The following NAA11 variants were observed in gnomAD, a reference collection of about 807,000 sequenced individuals.
NAA11 encodes N-alpha-acetyltransferase 11.
Under a neutral mutation model 16.1 loss-of-function variants are expected in NAA11, and 15 were observed. The ratio of observed to expected loss-of-function variants is 0.93; its 90% CI spans 0.62 to 1.44. The LOEUF (loss-of-function observed/expected upper bound fraction) is 1.44. Ranked by LOEUF, NAA11 falls within the 40% of genes most tolerant of loss-of-function variation. The pLI is 0.00. For synonymous variants in NAA11, 122 were observed against 112.4 expected (o/e 1.09, Z -0.54); for missense variants, 298 against 291.3 (o/e 1.02, Z -0.17).
chr4:79,280,603 T>C lies in NAA11; in HGVS notation c.*122+13402A>G, dbSNP rs558722975. On this transcript the variant is annotated intron_variant and NMD_transcript_variant, in intron 2 of 2. Transcript: ENST00000511542. ...CTGATACATTTTGATACTTTTTTTT[T>C]CCTATTAAGTTTTTGAGAGTCAGTT... is the stretch of plus-strand genomic sequence containing the variant. Among the ~76,000 whole-genome samples, 5 of 152,154 alleles carry C rather than the reference T, an allele frequency of 3.3e-5. No homozygotes were observed. In the East Asian group the frequency reaches 9.7e-4, roughly 29 times the overall value.
chr4:79,289,902 G>T (rs1363399147), intron 2 of NAA11, among the ~76,000 whole-genome samples: 1 of 152,104 alleles, frequency 6.6e-6, no homozygotes, highest in Non-Finnish European at 1.5e-5. Flanking sequence ...CAAACACAAG[G>T]TGTTAGGAAG....
chr4:79,163,723 G>A, the NAA11 span, among the ~76,000 whole-genome samples: 2 of 152,300 alleles, frequency 1.3e-5, no homozygotes, highest in East Asian at 1.9e-4. Context: ...GCTTGACTGG[G>A]AGTCTGGCAA....
At chr4:79,182,538 C>T in the NAA11 span, among the ~76,000 whole-genome samples, 1 of 152,058 alleles carries the variant, frequency 6.6e-6, no homozygotes, top group Non-Finnish European at 1.5e-5. Context: ...CCCCAATTAA[C>T]GAGAGGATCA....
chr4:79,164,014 C>T, the NAA11 span, among the ~76,000 whole-genome samples: 40 of 152,110 alleles, frequency 2.6e-4, no homozygotes, highest in African/African-American at 8.4e-4. Flanking sequence ...GTCTTTTTAT[C>T]GCTTTTTATC....
At chr4:79,264,524 C>G (rs890518280) in intron 2 of NAA11, among the ~76,000 whole-genome samples, 1 of 152,122 alleles carries the variant, frequency 6.6e-6, no homozygotes, top group Non-Finnish European at 1.5e-5. Flanking sequence ...TCTTCTTATT[C>G]TCTTTGCATG....
At chr4:79,222,867 C>T (rs1483981213), downstream of NAA11, among the ~76,000 whole-genome samples, 35 of 151,722 alleles carry the variant, frequency 2.3e-4, no homozygotes, top group Non-Finnish European at 4.6e-4. Flanking sequence ...AAGAAGACAT[C>T]TATGCAGCCA....
intron 2 of NAA11, among the ~76,000 whole-genome samples, chr4:79,237,400 CAT>C (rs994235324): frequency 5.3e-5 from 8 of 152,176 alleles, no homozygotes; most frequent in Admixed American, 1.3e-4. Flanking sequence ...TGTGTGCACA[CAT>C]GTTTGAGTGT....
chr4:79,256,651 A>AATATATATATATATATAT (rs34533882), intron 2 of NAA11, among the ~76,000 whole-genome samples: 3 of 130,768 alleles, frequency 2.3e-5, no homozygotes, highest in African/African-American at 6.1e-5. Flanking sequence ...TATAAATATA[A>AATATATATATATATATAT]ATATATATAT....
chr4:79,247,377 C>T (rs1041310910), intron 2 of NAA11, among the ~76,000 whole-genome samples: 1 of 152,142 alleles, frequency 6.6e-6, no homozygotes, highest in African/African-American at 2.4e-5. Flanking sequence ...TTTCAGTTTT[C>T]CCTGTATTGG....
chr4:79,223,629 A>C (rs1006150199), downstream of NAA11, among the ~76,000 whole-genome samples: 2 of 114,766 alleles, frequency 1.7e-5, no homozygotes, highest in Non-Finnish European at 3.7e-5. Context: ...CATGTACCCT[A>C]AAACTTAAAG....
At chr4:79,272,112 T>C (rs1722508608) in intron 2 of NAA11, among the ~76,000 whole-genome samples, 1 of 151,866 alleles carries the variant, frequency 6.6e-6, no homozygotes, top group Non-Finnish European at 1.5e-5. Flanking sequence ...TATATACATA[T>C]ATACTATGCT....
intron 2 of NAA11, among the ~76,000 whole-genome samples, chr4:79,232,692 G>A (rs1421408654): frequency 1.3e-5 from 2 of 151,934 alleles, no homozygotes; most frequent in Non-Finnish European, 2.9e-5. Context: ...ATTTGTTCAT[G>A]AGGGATAACA....
the NAA11 span, among the ~76,000 whole-genome samples, chr4:79,185,521 A>G: frequency 2.0e-5 from 3 of 152,226 alleles, no homozygotes; most frequent in Admixed American, 6.5e-5. Context: ...GGAATTTCCT[A>G]GATGATCCTA....
At chr4:79,234,003 C>T (rs1721518906) in intron 2 of NAA11, among the ~76,000 whole-genome samples, 1 of 152,014 alleles carries the variant, frequency 6.6e-6, no homozygotes, top group African/African-American at 2.4e-5. Flanking sequence ...CTACCTGAAG[C>T]TGAAACCAGT....
At chr4:79,159,109 C>T in the NAA11 span, among the ~76,000 whole-genome samples, 1 of 152,154 alleles carries the variant, frequency 6.6e-6, no homozygotes, top group Non-Finnish European at 1.5e-5. Flanking sequence ...AACTAAAGAG[C>T]TTCTGCACTG....
chr4:79,200,096 G>C, the NAA11 span, among the ~76,000 whole-genome samples: 1 of 151,842 alleles, frequency 6.6e-6, no homozygotes, highest in Non-Finnish European at 1.5e-5. Flanking sequence ...AGAAGGCATA[G>C]ATCATGGTTA....
At chr4:79,213,276 T>C in the NAA11 span, among the ~76,000 whole-genome samples, 1 of 152,146 alleles carries the variant, frequency 6.6e-6, no homozygotes, top group Non-Finnish European at 1.5e-5. Flanking sequence ...AATATTAATA[T>C]GTACAGGCAG....
chr4:79,217,245 G>T, the NAA11 span, among the ~76,000 whole-genome samples: 1 of 152,170 alleles, frequency 6.6e-6, no homozygotes, highest in East Asian at 1.9e-4. Flanking sequence ...TGTTAGAACT[G>T]CAGGGAGTCC....
At chr4:79,177,525 C>G in the NAA11 span, among the ~76,000 whole-genome samples, 3 of 151,936 alleles carry the variant, frequency 2.0e-5, no homozygotes, top group Non-Finnish European at 4.4e-5. Flanking sequence ...CTCTACTGTT[C>G]TTAGAATGTG....
Sources: allele counts gnomAD v4.1 joint callset (sites outside exome capture counted in the v4.1 genomes callset), GRCh38; gene constraint gnomAD v4.1.1; transcripts MANE v1.5; gene names NCBI Gene and HGNC (gene_info 2026-07-23, HGNC 2026-07-21).